The following ZNF81 variants were observed in gnomAD, a reference collection of about 807,000 sequenced individuals.
ZNF81 encodes zinc finger protein 81.
Under a neutral mutation model 32.3 loss-of-function variants are expected in ZNF81, and 5 were observed. That is an observed-to-expected ratio of 0.15 (90% CI 0.08 to 0.33). ZNF81 has a LOEUF of 0.33. Ranked by LOEUF, ZNF81 falls within the 10% of genes least tolerant of loss-of-function variation. ZNF81 has a pLI of 1.00. For synonymous variants in ZNF81, 163 were observed against 166.8 expected (o/e 0.98, Z 0.17); for missense variants, 379 against 479.8 (o/e 0.79, Z 1.96).
chrX:47,880,667 A>G (rs1224166180), intron 2 of ZNF81, among the ~76,000 whole-genome samples: 1 of 112,227 alleles, frequency 8.9e-6, no homozygotes, highest in African/African-American at 3.2e-5. Flanking sequence ...TTCTTGATAT[A>G]TAAAACACTT....
At chrX:47,856,719 T>C (rs2058518778) in intron 2 of ZNF81, among the ~76,000 whole-genome samples, 1 of 110,679 alleles carries the variant, frequency 9.0e-6, no homozygotes, top group African/African-American at 3.3e-5. Context: ...CCGAGGCGGG[T>C]GGATCACCTG....
intron 2 of ZNF81, among the ~76,000 whole-genome samples, chrX:47,849,672 C>CAAA (rs1174293911): frequency 4.8e-5 from 3 of 62,482 alleles, no homozygotes; most frequent in African/African-American, 6.2e-5. Context: ...GACTCCGTCT[C>CAAA]AAAAAAAAAA....
At chrX:47,876,411 C>A (rs2058599860) in intron 2 of ZNF81, among the ~76,000 whole-genome samples, 2 of 112,215 alleles carry the variant, frequency 1.8e-5, no homozygotes, top group Non-Finnish European at 3.8e-5. Context: ...TGAGTGCCTG[C>A]ACATGCAGTG....
At chrX:47,896,618 ATTTAT>A (rs1364219531) in intron 4 of ZNF81, among the ~76,000 whole-genome samples, 4 of 111,795 alleles carry the variant, frequency 3.6e-5, no homozygotes, top group African/African-American at 1.3e-4. Flanking sequence ...AATGAAATGT[ATTTAT>A]TTTAAGTGGA....
At chrX:47,894,865 A>G (rs1202791088) in intron 3 of ZNF81, among the ~76,000 whole-genome samples, 2 of 111,985 alleles carry the variant, frequency 1.8e-5, no homozygotes, top group African/African-American at 3.2e-5. Context: ...GGAAGCAGAT[A>G]ACTTGTGGTC....
At chrX:47,860,215 G>A (rs1429226089) in intron 2 of ZNF81, among the ~76,000 whole-genome samples, 2 of 95,946 alleles carry the variant, frequency 2.1e-5, no homozygotes, top group African/African-American at 7.7e-5. Context: ...TCGCTGTATT[G>A]CCCAGGCTGG....
chrX:47,856,554 A>C (rs2058517928), intron 2 of ZNF81, among the ~76,000 whole-genome samples: 1 of 112,417 alleles, frequency 8.9e-6, no homozygotes. Context: ...GCTTAAAATC[A>C]TTCATTAAAA....
Position 47,916,372 on chromosome X carries a change from C to G in ZNF81, c.1726C>G (p.His576Asp), listed in dbSNP as rs2148046243. 2 of 1,211,560 alleles carry G rather than the reference C, an allele frequency of 1.7e-6. No individual in the cohort carries two copies. Among genetic ancestry groups the G allele is most frequent in the East Asian group, 5.9e-5 (2 of 33,830 alleles). The change falls in exon 5 of 5, where the codon CAT becomes GAT. Residue 576 changes from histidine (H) to aspartate (D), a missense_variant. Physicochemically the swap from His to Asp is moderately conservative, Grantham distance 81. Transcript: ENST00000338637. ...AGAGTTGATTACACATCAGAGAATT[C>G]ATACTACAGAGAAGCCTTATAAATG... ...KSELITHQRI[H>D]TTEKPYKCPD... is the part of the protein sequence containing the mutation.
At chrX:47,894,118 C>T (rs782595125) in intron 3 of ZNF81, among the ~76,000 whole-genome samples, 256 of 111,606 alleles carry the variant, frequency 2.3e-3, no homozygotes, top group African/African-American at 8.0e-3. Flanking sequence ...CCAAATACAA[C>T]GTGGACAAGT....
chrX:47,915,100 C>T lies in ZNF81; in HGVS notation c.454C>T (p.Arg152Cys), dbSNP rs782328773. ...GGAAAAACACAACAAACTTCTGAGT[C>T]GCACTACTTTCCTCAATAAGAAAAT... ...CQEKHNKLLS[R>C]TTFLNKKILN... The change falls in exon 5 of 5, where the codon CGC becomes TGC. Residue 152 changes from arginine (R) to cysteine (C), a missense_variant. Physicochemically the swap from Arg to Cys is radical, Grantham distance 180. Around this residue, in one of 2 missense-constraint regions of ZNF81, gnomAD observed 277 missense variants for 306.6 expected, o/e 0.90. Coordinates refer to ENST00000338637, the MANE Select transcript of ZNF81 (RefSeq NM_007137.5). 7 of 1,205,781 alleles carry T rather than the reference C, an allele frequency of 5.8e-6. No homozygotes were observed. The highest frequency in any genetic ancestry group is 6.7e-6 in the Non-Finnish European group (6 of 893,729).
intron 2 of ZNF81, among the ~76,000 whole-genome samples, chrX:47,876,707 A>G (rs1183570380): frequency 8.9e-6 from 1 of 112,319 alleles, no homozygotes; most frequent in East Asian, 2.8e-4. Context: ...TATAGTCACT[A>G]TGTTTGAAAC....
intron 3 of ZNF81, among the ~76,000 whole-genome samples, chrX:47,891,785 G>A (rs782240591): frequency 8.9e-6 from 1 of 112,221 alleles, no homozygotes; most frequent in Non-Finnish European, 1.9e-5. Context: ...CAGAGCCAGT[G>A]TCCAGTAATT....
rs185283267 is a variant in ZNF81, at chrX:47,893,734, G to T, written c.182-2111G>T. Among the ~76,000 whole-genome samples the T allele has an allele frequency of 4.4e-3, 477 of 108,244 alleles. 4 individuals are homozygous for T. The highest frequency in any genetic ancestry group is 0.015 in the African/African-American group (446 of 29,696). 94.0% of individuals were successfully genotyped at this position (108,244 alleles called of 115,157 possible). Reference sequence around the variant, plus strand: ...CACTTGAACCCAGGAGGCAGAAGTTGCAGTGAGCTGAGATGGTACCACTGC... The same window carrying T: ...CACTTGAACCCAGGAGGCAGAAGTTTCAGTGAGCTGAGATGGTACCACTGC... On this transcript the variant is annotated intron_variant, in intron 3 of 4. Coordinates refer to ENST00000338637, the MANE Select transcript of ZNF81 (RefSeq NM_007137.5).
intron 4 of ZNF81, among the ~76,000 whole-genome samples, chrX:47,901,840 T>G (rs782201607): frequency 9.0e-6 from 1 of 111,449 alleles, no homozygotes; most frequent in South Asian, 3.7e-4. Flanking sequence ...GTTTGGAAAT[T>G]TCATGCCTGC....
intron 4 of ZNF81, among the ~76,000 whole-genome samples, chrX:47,901,425 A>G (rs1272676002): frequency 1.8e-5 from 2 of 111,736 alleles, no homozygotes; most frequent in Non-Finnish European, 3.8e-5. Context: ...GTCTTTCACC[A>G]TTAGGTGTAT....
In ZNF81 at chrX:47,919,339, T is replaced by G. The variant is rs1362606909; in HGVS notation, c.*2707T>G. 2.2e-5 allele frequency: 6 copies of G among 268,378 alleles called. No individual in the cohort carries two copies. The highest frequency in any genetic ancestry group is 4.3e-5 in the Non-Finnish European group (6 of 138,291). The allele number at this position is 268,378 out of a possible 1,213,427, so 22.1% of individuals were successfully genotyped here. A position where few individuals can be genotyped will look rare whatever the true frequency, so the allele number is the denominator to read the frequency against. On this transcript the variant is annotated 3_prime_UTR_variant, in exon 5 of 5. Transcript: ENST00000338637. ...TGTTTTTTCTCTCACCCTGGCTTTGTCAAGTCTACTGCTGAACCCATTGAA... is the reference window on the plus strand; with the variant it reads ...TGTTTTTTCTCTCACCCTGGCTTTGGCAAGTCTACTGCTGAACCCATTGAA...
intron 1 of ZNF81, among the ~76,000 whole-genome samples, chrX:47,843,943 A>C (rs1240456632): frequency 1.8e-5 from 2 of 111,224 alleles, no homozygotes; most frequent in Non-Finnish European, 3.8e-5. Context: ...TGTTTTTTCT[A>C]ATTCTAATGT....
intron 4 of ZNF81, among the ~76,000 whole-genome samples, chrX:47,904,937 A>G (rs1406853245): frequency 9.0e-6 from 1 of 110,980 alleles, no homozygotes; most frequent in Non-Finnish European, 1.9e-5. Flanking sequence ...GCTGGAAACC[A>G]TCATTCTCAG....
intron 4 of ZNF81, among the ~76,000 whole-genome samples, chrX:47,912,718 G>A (rs2058743300): frequency 9.1e-6 from 1 of 109,678 alleles, no homozygotes; most frequent in South Asian, 4.0e-4. Flanking sequence ...TTTCTGCCAA[G>A]TTCAGGTTTT....
Sources: gnomAD v4.1 joint callset for allele counts (sites outside exome capture counted in the v4.1 genomes callset) on GRCh38, gnomAD v4.1.1 for gene constraint, gnomAD v4.1.1 regional missense constraint, MANE v1.5 for transcripts, NCBI Gene and HGNC (gene_info 2026-07-23, HGNC 2026-07-21) for gene names.